FUT8: variants seen among roughly 807,000 people sequenced by gnomAD.
FUT8 encodes fucosyltransferase 8.
FUT8 carries 29 observed loss-of-function variants against 71.3 expected under a neutral mutation model. That is an observed-to-expected ratio of 0.41 (90% CI 0.30 to 0.55). The LOEUF is 0.55. Among genes scored for constraint, FUT8 ranks in the 20% least tolerant of loss-of-function variants. FUT8 has a pLI of 0.34. For synonymous variants in FUT8, 254 were observed against 239.3 expected (o/e 1.06, Z -0.57); for missense variants, 544 against 702.1 (o/e 0.77, Z 2.55).
At chr14:65,561,804 T>C (rs949836213) in intron 3 of FUT8, 38 bp downstream of exon 3, 3 of 1,546,030 alleles carry the variant, frequency 1.9e-6, no homozygotes, top group East Asian at 4.5e-5. Context: ...TGATGAAATA[T>C]TGTACTTTGT....
At chr14:65,594,454 C>G (rs1594798346) in intron 3 of FUT8, among the ~76,000 whole-genome samples, 1 of 152,178 alleles carries the variant, frequency 6.6e-6, no homozygotes, top group East Asian at 1.9e-4. Context: ...GCTGTCTTAG[C>G]TCCATTGTCT....
intron 7 of FUT8, among the ~76,000 whole-genome samples, chr14:65,696,507 G>A (rs962290611): frequency 2.6e-5 from 4 of 151,986 alleles, no homozygotes; most frequent in Non-Finnish European, 5.9e-5. Context: ...GTTTGAATAT[G>A]TTATTCTTAG....
chr14:65,566,788 T>C (rs2140064190), intron 3 of FUT8, among the ~76,000 whole-genome samples: 1 of 152,100 alleles, frequency 6.6e-6, no homozygotes, highest in South Asian at 2.1e-4. Context: ...AGAACACATG[T>C]AGTGGGCCTT....
At chr14:65,687,552 T>G (rs559995177) in intron 7 of FUT8, among the ~76,000 whole-genome samples, 58 of 152,318 alleles carry the variant, frequency 3.8e-4, no homozygotes, top group African/African-American at 1.3e-3. Flanking sequence ...AAATACCACT[T>G]AAATATATAT....
chr14:65,669,532 C>CAG lies in FUT8; in HGVS notation c.835+54_835+55dup, dbSNP rs777760428. 2.8e-5 allele frequency: 35 copies of CAG among 1,266,880 alleles called. No individual in the cohort carries two copies. The highest frequency in any genetic ancestry group is 3.5e-6 in the Non-Finnish European group (3 of 869,474). The allele number at this position is 1,266,880 out of a possible 1,614,324, so 78.5% of individuals were successfully genotyped here. Reference sequence around the variant, plus strand: ...TCTCTGGGCTGTTTCACTCAATTACCAGATTATTAGATTTCTAGGTAGACC... The same window carrying CAG: ...TCTCTGGGCTGTTTCACTCAATTACCAGAGATTATTAGATTTCTAGGTAGACC... On this transcript the variant is annotated intron_variant, in intron 7 of 10. Coordinates refer to ENST00000673929, the MANE Select transcript of FUT8 (RefSeq NM_001371533.1). The surrounding 1 kb of genome is among the most constrained non-coding windows in gnomAD (Gnocchi z 4.5).
At chr14:65,580,600 A>G (rs1469766687) in intron 3 of FUT8, among the ~76,000 whole-genome samples, 1 of 151,936 alleles carries the variant, frequency 6.6e-6, no homozygotes, top group African/African-American at 2.4e-5. Context: ...TTATTATTTG[A>G]TTGTTTTTGA....
At chr14:65,518,851 A>T (rs1882890222) in intron 2 of FUT8, among the ~76,000 whole-genome samples, 4 of 152,180 alleles carry the variant, frequency 2.6e-5, no homozygotes. Flanking sequence ...CGTTTAGTAG[A>T]GTTGGTGCCT....
intron 7 of FUT8, among the ~76,000 whole-genome samples, chr14:65,717,794 C>T (rs1895201600): frequency 6.6e-6 from 1 of 151,886 alleles, no homozygotes; most frequent in Non-Finnish European, 1.5e-5. Flanking sequence ...ACGGGGCGGC[C>T]AGGCAGAGGC....
chr14:65,395,051 C>T, the FUT8 span, among the ~76,000 whole-genome samples: 1 of 152,192 alleles, frequency 6.6e-6, no homozygotes, highest in Non-Finnish European at 1.5e-5. Flanking sequence ...TACAGTCAAA[C>T]CTTAAGGCTT....
rs12437088 is a variant in FUT8, at chr14:65,555,349, A to G, written c.-227-5988A>G. ...ACTCACAGGTCTGTCAACTTTGCCT[A>G]ATCTTTGAGATGTGTTCAGCTTTTA... On this transcript the variant is annotated intron_variant, in intron 2 of 10. Coordinates refer to ENST00000673929, the MANE Select transcript of FUT8 (RefSeq NM_001371533.1). Among the ~76,000 whole-genome samples the G allele has an allele frequency of 5.8e-3, 879 of 152,246 alleles. 31 individuals carry two copies. The East Asian group carries it at 0.093, about 16-fold the overall frequency.
intron 6 of FUT8, among the ~76,000 whole-genome samples, chr14:65,657,275 A>G (rs1379768947): frequency 6.6e-6 from 1 of 152,238 alleles, no homozygotes; most frequent in African/African-American, 2.4e-5. Context: ...GGCGTTCCTC[A>G]TAAAAGTAAA....
At chr14:65,586,585 A>G (rs1887397013) in intron 3 of FUT8, among the ~76,000 whole-genome samples, 1 of 152,212 alleles carries the variant, frequency 6.6e-6, no homozygotes, top group Non-Finnish European at 1.5e-5. Context: ...CATGCCAACA[A>G]AATTTGGAGT....
At chr14:65,425,704 G>A (rs1035246925) in intron 1 of FUT8, among the ~76,000 whole-genome samples, 23 of 152,168 alleles carry the variant, frequency 1.5e-4, no homozygotes, top group African/African-American at 5.5e-4. Flanking sequence ...CTGGCTGGGA[G>A]CAGTGGCTCA....
chr14:65,379,663 G>C, the FUT8 span, among the ~76,000 whole-genome samples: 27 of 152,296 alleles, frequency 1.8e-4, no homozygotes, highest in Middle Eastern at 6.8e-3. Flanking sequence ...CAAGAAAAGG[G>C]GGCCTGATTA....
rs76663227 is a variant in FUT8 at position 65,678,430 on chromosome 14, C to A, written c.835+8950C>A. 5.0e-3 allele frequency among the ~76,000 whole-genome samples: 754 copies of A among 152,306 alleles called. 8 individuals are homozygous for A. Among genetic ancestry groups the A allele is most frequent in the African/African-American group, 0.017 (716 of 41,566 alleles). On this transcript the variant is annotated intron_variant, in intron 7 of 10. Transcript: ENST00000673929. ...ATATGCTCCTAATCAAGGAGCTGAC[C>A]AGTTTCTCTTAGTTTCTGGGACAGG... is the stretch of plus-strand genomic sequence containing the variant.
intron 2 of FUT8, among the ~76,000 whole-genome samples, chr14:65,556,512 A>C (rs1343011947): frequency 6.6e-6 from 1 of 152,210 alleles, no homozygotes; most frequent in South Asian, 2.1e-4. Context: ...TCATCAGAAT[A>C]AGCAAGCAGG....
chr14:65,449,977 C>G (rs1432721073), intron 1 of FUT8, among the ~76,000 whole-genome samples: 1 of 152,206 alleles, frequency 6.6e-6, no homozygotes, highest in East Asian at 1.9e-4. Context: ...TTAAAAATGA[C>G]CAATTTCACC....
At chr14:65,458,791 CT>C (rs748466416) in intron 2 of FUT8, among the ~76,000 whole-genome samples, 2,178 of 135,458 alleles carry the variant, frequency 0.016, 12 homozygotes, top group South Asian at 0.026. Flanking sequence ...TCTTTTCTTT[CT>C]TTTTTTTTTT....
intron 2 of FUT8, chr14:65,470,996 C>T (rs1015772368): frequency 7.1e-6 from 3 of 424,816 alleles, no homozygotes; most frequent in African/African-American, 4.2e-5. Flanking sequence ...TTTATCTGCC[C>T]TGTTGTCTTT....
Sources: gnomAD v4.1 joint callset for allele counts (sites outside exome capture counted in the v4.1 genomes callset) on GRCh38, gnomAD v4.1.1 for gene constraint, Gnocchi (gnomAD v3.1) non-coding constraint, MANE v1.5 for transcripts, NCBI Gene and HGNC (gene_info 2026-07-23, HGNC 2026-07-21) for gene names.